Variants in AVEN observed in about 807,000 individuals in gnomAD.
AVEN encodes the protein apoptosis and caspase activation inhibitor.
AVEN carries 41 observed loss-of-function variants against 38.1 expected under a neutral mutation model. That is an observed-to-expected ratio of 1.08 (90% CI 0.84 to 1.40). The LOEUF (loss-of-function observed/expected upper bound fraction) is 1.40. AVEN is among the 40% of genes most tolerant of loss of function. AVEN has a pLI of 0.00. For missense variants in AVEN, 605 were observed against 438.8 expected, an observed-to-expected ratio of 1.38 and a Z score of -3.38; for synonymous variants, 206 against 171.8, an observed-to-expected ratio of 1.20 and a Z score of -1.56.
chr15:34,058,953 G>A (rs949277781), intron 5 of AVEN, among the ~76,000 whole-genome samples: 1 of 152,134 alleles, frequency 6.6e-6, no homozygotes, highest in Non-Finnish European at 1.5e-5. Flanking sequence ...CTGGAATGCA[G>A]TGGCAAGATC....
At chr15:34,060,678 C>T (rs1469260556) in intron 5 of AVEN, among the ~76,000 whole-genome samples, 1 of 152,170 alleles carries the variant, frequency 6.6e-6, no homozygotes, top group East Asian at 1.9e-4. Context: ...GAGTTCGAGA[C>T]CAGTCTGGCC....
At chr15:34,073,071 C>A (rs1900661703) in intron 1 of AVEN, among the ~76,000 whole-genome samples, 1 of 149,740 alleles carries the variant, frequency 6.7e-6, no homozygotes, top group Non-Finnish European at 1.5e-5. Context: ...GACGGAGTCT[C>A]GCTCTGTCGC....
intron 2 of AVEN, among the ~76,000 whole-genome samples, chr15:33,937,789 G>C (rs1894145510): frequency 6.6e-6 from 1 of 151,868 alleles, no homozygotes; most frequent in Non-Finnish European, 1.5e-5. Context: ...AAATGAGAGA[G>C]CTCTCACCAG....
intron 5 of AVEN, among the ~76,000 whole-genome samples, chr15:34,057,843 A>C (rs1425356161): frequency 1.3e-5 from 2 of 152,232 alleles, no homozygotes; most frequent in African/African-American, 4.8e-5. Flanking sequence ...CTAGGTTTTT[A>C]ATCTGAAGCT....
chr15:33,923,255 A>G (rs932646982), intron 2 of AVEN, among the ~76,000 whole-genome samples: 3 of 152,222 alleles, frequency 2.0e-5, no homozygotes, highest in Non-Finnish European at 4.4e-5. Context: ...ATTGTTTTAC[A>G]AATTACAAAA....
chr15:33,898,668 T>C (rs1892350712), intron 2 of AVEN, among the ~76,000 whole-genome samples: 2 of 152,196 alleles, frequency 1.3e-5, no homozygotes, highest in Admixed American at 1.3e-4. Context: ...TTGATCACAT[T>C]TGCCAAGACC....
downstream of AVEN, chr15:33,858,144 GA>G: frequency 1.8e-6 from 1 of 563,868 alleles, no homozygotes; most frequent in Non-Finnish European, 3.1e-6. Flanking sequence ...AAGCCCCGTG[GA>G]AAGGGAAGCA....
At chr15:34,026,031 T>C (rs1898453020) in intron 1 of AVEN, among the ~76,000 whole-genome samples, 1 of 152,230 alleles carries the variant, frequency 6.6e-6, no homozygotes, top group Non-Finnish European at 1.5e-5. Flanking sequence ...TTTCTGATAA[T>C]ACACAACAGT....
At chr15:33,992,414 A>C (rs981614221) in intron 2 of AVEN, among the ~76,000 whole-genome samples, 1 of 152,034 alleles carries the variant, frequency 6.6e-6, no homozygotes, top group African/African-American at 2.4e-5. Flanking sequence ...AAGAAAATCA[A>C]ATTAGGCCCA....
intron 2 of AVEN, among the ~76,000 whole-genome samples, chr15:33,946,745 A>C (rs560096236): frequency 1.7e-4 from 26 of 152,364 alleles, no homozygotes; most frequent in African/African-American, 6.3e-4. Flanking sequence ...CACATACCTC[A>C]GGATGGACGC....
At chr15:34,001,475 T>G (rs1248256246) in intron 2 of AVEN, among the ~76,000 whole-genome samples, 1 of 152,228 alleles carries the variant, frequency 6.6e-6, no homozygotes, top group African/African-American at 2.4e-5. Flanking sequence ...CTAGATCTTC[T>G]GGCAGAACAG....
intron 2 of AVEN, among the ~76,000 whole-genome samples, chr15:33,955,561 A>G (rs992485642): frequency 6.6e-6 from 1 of 152,202 alleles, no homozygotes. Context: ...AGGAAAAATG[A>G]TAGTTTCATT....
intron 2 of AVEN, among the ~76,000 whole-genome samples, chr15:33,961,638 C>T (rs750820459): frequency 2.6e-5 from 4 of 151,240 alleles, no homozygotes; most frequent in Admixed American, 6.6e-5. Context: ...ACGGTGAAAC[C>T]CCGTCTCTAC....
intron 2 of AVEN, among the ~76,000 whole-genome samples, chr15:33,987,089 T>A (rs910997200): frequency 2.6e-5 from 4 of 152,234 alleles, no homozygotes; most frequent in Non-Finnish European, 5.9e-5. Flanking sequence ...AAACAGTATA[T>A]ATTCATAATT....
intron 2 of AVEN, among the ~76,000 whole-genome samples, chr15:33,918,125 T>A (rs1171267142): frequency 6.6e-6 from 1 of 152,168 alleles, no homozygotes; most frequent in African/African-American, 2.4e-5. Flanking sequence ...CATAATGAAA[T>A]ATGCAACAAA....
At chr15:33,852,017 A>C in the AVEN span, 1 of 151,314 alleles carries the variant, frequency 6.6e-6, no homozygotes, top group Admixed American at 6.6e-5. Context: ...CAAAAAAAAA[A>C]AACATTTTTT....
At chr15:33,910,481 G>A (rs763082600) in intron 2 of AVEN, among the ~76,000 whole-genome samples, 6 of 152,352 alleles carry the variant, frequency 3.9e-5, no homozygotes, top group Non-Finnish European at 5.9e-5. Flanking sequence ...AAATTGGGAC[G>A]TGAAGATAGC....
intron 2 of AVEN, among the ~76,000 whole-genome samples, chr15:33,925,366 G>A (rs989594423): frequency 1.3e-5 from 2 of 152,142 alleles, no homozygotes; most frequent in Non-Finnish European, 2.9e-5. Context: ...GATACCCACA[G>A]AATTAAGATA....
intron 2 of AVEN, among the ~76,000 whole-genome samples, chr15:33,905,782 T>C (rs113032333): frequency 9.9e-4 from 150 of 150,994 alleles, no homozygotes; most frequent in African/African-American, 3.5e-3. Context: ...ACCGTGCCAT[T>C]GCACTCCAGC....
Sources: gnomAD v4.1 joint callset for allele counts (sites outside exome capture counted in the v4.1 genomes callset) on GRCh38, gnomAD v4.1.1 for gene constraint, MANE v1.5 for transcripts, NCBI Gene and HGNC (gene_info 2026-07-23, HGNC 2026-07-21) for gene names.